EFCAB5: variants seen among roughly 807,000 people sequenced by gnomAD.
The protein encoded by EFCAB5 is EF-hand calcium-binding domain-containing protein 5.
EFCAB5 carries 131 observed loss-of-function variants against 167.9 expected under a neutral mutation model. The observed-to-expected ratio is 0.78, with a 90% CI of 0.68 to 0.90. EFCAB5 has a LOEUF of 0.90. EFCAB5 is among the 40% of genes least tolerant of loss of function. The probability of loss-of-function intolerance (pLI) is 0.00; values close to 1 mark genes in which losing one functional copy is unlikely to be tolerated. For missense variants in EFCAB5, 1,663 were observed against 1,745.2 expected (o/e 0.95, Z 0.84); for synonymous variants, 574 against 602.8 (o/e 0.95, Z 0.70).
intron 7 of EFCAB5, among the ~76,000 whole-genome samples, chr17:30,033,491 C>T (rs1011600143): frequency 6.6e-6 from 1 of 152,176 alleles, no homozygotes; most frequent in African/African-American, 2.4e-5. Context: ...GTAATTCGTT[C>T]CTGACCTATC....
rs2067299705 is a variant in EFCAB5 at position 29,941,707 on chromosome 17, G to T, written c.-90G>T. On this transcript the variant is annotated 5_prime_UTR_variant, in exon 1 of 23. Coordinates refer to ENST00000394835, the MANE Select transcript of EFCAB5 (RefSeq NM_198529.4). ...TTTTTTAACTTCTGGAGTACTTTGT[G>T]ATGTTTATTAATATTTTCTTTCTTT... 1.7e-6 allele frequency: 2 copies of T among 1,188,788 alleles called. No homozygotes were observed. The highest frequency in any genetic ancestry group is 1.2e-6 in the Non-Finnish European group (1 of 833,004). The allele number at this position is 1,188,788 out of a possible 1,614,324, so 73.6% of individuals were successfully genotyped here.
At chr17:29,938,185 G>A (rs946349602), upstream of EFCAB5, among the ~76,000 whole-genome samples, 3 of 152,170 alleles carry the variant, frequency 2.0e-5, no homozygotes, top group Non-Finnish European at 4.4e-5. Context: ...TCACAATAAA[G>A]TGGTCACATG....
chr17:30,034,333 AC>A lies in EFCAB5; in HGVS notation c.1149del (p.Asp383GlufsTer19), dbSNP rs1827423890. On this transcript the variant is annotated frameshift_variant, in exon 8 of 23. Transcript: ENST00000394835. LOFTEE classifies it high-confidence loss of function. Reference sequence around the variant, plus strand: ...GAATTTCGGGAGGTCATAAAAGCTGACATGCGGAGGCAGATGTTCGCTGAAC... The same window carrying A: ...GAATTTCGGGAGGTCATAAAAGCTGAATGCGGAGGCAGATGTTCGCTGAAC... ...ADEFREVIKA[D>X]MRRQMFAELF... 2.5e-6 allele frequency: 4 copies of A among 1,613,080 alleles called. No homozygotes were observed. The highest frequency in any genetic ancestry group is 3.4e-6 in the Non-Finnish European group (4 of 1,179,372).
intron 4 of EFCAB5, among the ~76,000 whole-genome samples, chr17:29,992,536 C>T (rs1490226042): frequency 6.6e-6 from 1 of 152,118 alleles, no homozygotes; most frequent in Non-Finnish European, 1.5e-5. Flanking sequence ...TTAGTAGAGA[C>T]AGGGTTTTGC....
At chr17:30,000,106 A>G (rs1597647668) in intron 7 of EFCAB5, 130 bp downstream of exon 7, 1 of 614,498 alleles carries the variant, frequency 1.6e-6, no homozygotes, top group East Asian at 2.9e-5. Context: ...ATTCTAAAAT[A>G]TGTACTTTAA....
At chr17:29,991,741 G>T (rs574918315) in intron 4 of EFCAB5, among the ~76,000 whole-genome samples, 4 of 152,122 alleles carry the variant, frequency 2.6e-5, no homozygotes, top group Non-Finnish European at 5.9e-5. Flanking sequence ...CCAGATTTGG[G>T]GGGCCTGTTC....
chr17:29,941,568 T>C, upstream of EFCAB5: 1 of 371,276 alleles, frequency 2.7e-6, no homozygotes, highest in East Asian at 4.2e-5. Context: ...AGCAATGATC[T>C]AGCTTTGGTC....
chr17:30,043,296 A>G (rs768537876), intron 8 of EFCAB5, among the ~76,000 whole-genome samples: 1 of 152,212 alleles, frequency 6.6e-6, no homozygotes, highest in Non-Finnish European at 1.5e-5. Flanking sequence ...AGCTATACTT[A>G]CAATGGTAAA....
At chr17:29,952,467 G>T (rs2067532060) in intron 3 of EFCAB5, among the ~76,000 whole-genome samples, 1 of 152,072 alleles carries the variant, frequency 6.6e-6, no homozygotes. Flanking sequence ...TAATAGGATT[G>T]TCTTTATAGT....
chr17:29,993,226 ATCATAG>A lies in EFCAB5; in HGVS notation c.833_838del (p.Ile278_Val279del), dbSNP rs746467380. Reference sequence around the variant, plus strand: ...AAAACAAAGAGAAAGCATAGACAAAATCATAGTCAAGGTGGCCAACACACGGAAACA... The same window carrying A: ...AAAACAAAGAGAAAGCATAGACAAAATCAAGGTGGCCAACACACGGAAACA... On this transcript the variant is annotated inframe_deletion, in exon 5 of 23. Coordinates refer to ENST00000394835, the MANE Select transcript of EFCAB5 (RefSeq NM_198529.4). The A allele has an allele frequency of 1.6e-4, 254 of 1,613,848 alleles. No individual in the cohort carries two copies. The African/African-American group carries it at 2.8e-3, about 18-fold the overall frequency.
chr17:29,953,411 T>C lies in EFCAB5; in HGVS notation c.190+9762T>C, dbSNP rs978344744. 2.0e-5 allele frequency among the ~76,000 whole-genome samples: 3 copies of C among 152,188 alleles called. No homozygotes were observed. In the East Asian group the frequency reaches 5.8e-4, roughly 29 times the overall value. The stretch of plus-strand genomic sequence containing the variant: ...CATGGGAGGACCCAGTTGCAGGTAA[T>C]TGAATCGTGGGGAGCAGGTCTTTTC... On this transcript the variant is annotated intron_variant, in intron 3 of 22. Coordinates refer to ENST00000394835, the MANE Select transcript of EFCAB5 (RefSeq NM_198529.4).
At chr17:30,069,310 C>T in intron 14 of EFCAB5, 2 of 1,509,100 alleles carry the variant, frequency 1.3e-6, no homozygotes, top group South Asian at 2.2e-5. Context: ...ATGAGTTATC[C>T]CCAGAAGAAA....
rs572057347 is a variant in EFCAB5 at position 30,050,450 on chromosome 17, T to G, written c.1201-668T>G. On this transcript the variant is annotated intron_variant, in intron 8 of 22. Coordinates refer to ENST00000394835, the MANE Select transcript of EFCAB5 (RefSeq NM_198529.4). ...GCGCCTGGCCTATATCAGGTTTTTT[T>G]GTTTTTGTTTTTGAGACAAGGTCTT... Among the ~76,000 whole-genome samples, 17 of 152,264 alleles carry G rather than the reference T, an allele frequency of 1.1e-4. No individual in the cohort carries two copies. In the East Asian group the frequency reaches 3.3e-3, roughly 29 times the overall value.
At chr17:29,934,645 C>T (rs1229895527) in intron 1 of EFCAB5, among the ~76,000 whole-genome samples, 1 of 152,122 alleles carries the variant, frequency 6.6e-6, no homozygotes, top group Non-Finnish European at 1.5e-5. Context: ...CTCCAAAGCT[C>T]AGTGTTTACA....
intron 7 of EFCAB5, among the ~76,000 whole-genome samples, chr17:30,031,586 C>A (rs1187015642): frequency 6.6e-6 from 1 of 152,144 alleles, no homozygotes; most frequent in African/African-American, 2.4e-5. Context: ...TACTGTGATA[C>A]CCATTTCACA....
intron 4 of EFCAB5, among the ~76,000 whole-genome samples, chr17:29,983,881 C>A (rs180959188): frequency 6.9e-4 from 105 of 151,844 alleles, no homozygotes; most frequent in Middle Eastern, 3.4e-3. Flanking sequence ...TGAGGTGAGA[C>A]CTAAAGCATG....
chr17:29,992,201 A>G (rs1383430727), intron 4 of EFCAB5, among the ~76,000 whole-genome samples: 2 of 152,120 alleles, frequency 1.3e-5, no homozygotes, highest in East Asian at 1.9e-4. Flanking sequence ...TTTGTTTTAT[A>G]TTGCACAAAT....
chr17:29,981,563 A>G (rs2068175970), intron 4 of EFCAB5, among the ~76,000 whole-genome samples: 1 of 152,210 alleles, frequency 6.6e-6, no homozygotes, highest in East Asian at 1.9e-4. Context: ...CTCTGCTACA[A>G]TATAAGCAGG....
At chr17:30,078,775 A>G (rs1020270503) in intron 15 of EFCAB5, among the ~76,000 whole-genome samples, 2 of 152,252 alleles carry the variant, frequency 1.3e-5, no homozygotes, top group African/African-American at 4.8e-5. Flanking sequence ...CATTTCTGCT[A>G]AGAGTCAAAT....
Sources: allele counts gnomAD v4.1 joint callset (sites outside exome capture counted in the v4.1 genomes callset), GRCh38; gene constraint gnomAD v4.1.1; transcripts MANE v1.5; gene names NCBI Gene and HGNC (gene_info 2026-07-23, HGNC 2026-07-21).